BPNT1: variants seen among roughly 807,000 people sequenced by gnomAD.
BPNT1 encodes the protein 3'(2'),5'-bisphosphate nucleotidase 1.
BPNT1 carries 28 observed loss-of-function variants against 36.9 expected under a neutral mutation model. That is an observed-to-expected ratio of 0.76 (90% CI 0.56 to 1.04). The LOEUF is 1.04. Ranked by LOEUF, BPNT1 falls within the 50% of genes least tolerant of loss-of-function variation. The pLI is 0.00. For missense variants in BPNT1, 313 were observed against 372.9 expected (o/e 0.84, Z 1.32); for synonymous variants, 119 against 130.9 (o/e 0.91, Z 0.62).
At chr1:220,061,152 G>C (rs1337588000) in intron 7 of BPNT1, among the ~76,000 whole-genome samples, 1 of 152,140 alleles carries the variant, frequency 6.6e-6, no homozygotes, top group Non-Finnish European at 1.5e-5. Context: ...ATGCTTTACA[G>C]ATGCAGATTT....
In BPNT1 at chr1:220,066,419, G is replaced by A. The variant is rs949932983; in HGVS notation, c.474+883C>T. 3.3e-5 allele frequency among the ~76,000 whole-genome samples: 5 copies of A among 152,086 alleles called. No homozygotes were observed. In the East Asian group the frequency reaches 7.7e-4, roughly 23 times the overall value. On this transcript the variant is annotated intron_variant, in intron 6 of 8. Coordinates refer to ENST00000322067, the MANE Select transcript of BPNT1 (RefSeq NM_006085.6). The stretch of plus-strand genomic sequence containing the variant: ...TCTTTTGGTAAATCCTAAGAAACAC[G>A]ATTCTTAATATAATTTATAATCATA...
chr1:220,069,511 T>A, intron 4 of BPNT1, 79 bp from the exon 5 acceptor site: 1 of 1,097,846 alleles, frequency 9.1e-7, no homozygotes, highest in Non-Finnish European at 1.3e-6. Context: ...AGATTAAAAT[T>A]ACTCTTTTTT....
chr1:220,088,798 A>G (rs1170017031), intron 1 of BPNT1, among the ~76,000 whole-genome samples: 1 of 148,822 alleles, frequency 6.7e-6, no homozygotes, highest in African/African-American at 2.4e-5. Context: ...TTAAAAAAAA[A>G]AAAAAAAGAA....
intron 8 of BPNT1, 125 bp from the exon 9 acceptor site, chr1:220,059,117 G>T: frequency 1.1e-6 from 1 of 875,918 alleles, no homozygotes. Context: ...ATGAAATAAT[G>T]AGTGTCCATA....
intron 5 of BPNT1, among the ~76,000 whole-genome samples, chr1:220,068,502 A>T (rs182024084): frequency 6.6e-6 from 1 of 152,144 alleles, no homozygotes; most frequent in African/African-American, 2.4e-5. Flanking sequence ...GTTTAAAAAT[A>T]AAACTCTAAG....
intron 1 of BPNT1, among the ~76,000 whole-genome samples, chr1:220,085,833 CTT>C (rs1655666070): frequency 6.6e-6 from 1 of 152,170 alleles, no homozygotes; most frequent in Non-Finnish European, 1.5e-5. Context: ...CTTGAGAAGT[CTT>C]TACAACTGCC....
chr1:220,074,220 C>A, intron 2 of BPNT1, 149 bp from the exon 3 acceptor site: 1 of 645,486 alleles, frequency 1.5e-6, no homozygotes, highest in East Asian at 3.0e-5. Flanking sequence ...TGGTTTCTTG[C>A]CTTGGTTTTT....
At position 220,058,360 on chromosome 1, in the gene BPNT1, T is replaced by G; in HGVS notation, c.*484A>C. The G allele has an allele frequency of 1.0e-6, 1 of 980,424 alleles. No homozygotes were observed. The highest frequency in any genetic ancestry group is 1.2e-6 in the Non-Finnish European group (1 of 824,320). The allele number at this position is 980,424 out of a possible 1,614,324, so 60.7% of individuals were successfully genotyped here. ...GGTCTGGTTGATTAATCAAGTTAAA[T>G]TATTTAATTCTATTTTCTATTCCTA... On this transcript the variant is annotated 3_prime_UTR_variant, in exon 9 of 9. Transcript: ENST00000322067.
At chr1:220,086,783 C>T (rs1356766661) in intron 1 of BPNT1, among the ~76,000 whole-genome samples, 2 of 151,862 alleles carry the variant, frequency 1.3e-5, no homozygotes, top group Non-Finnish European at 1.5e-5. Context: ...ACCATGTTGG[C>T]CAGGCTAGTC....
At chr1:220,085,732 CT>C (rs1024348930) in intron 1 of BPNT1, among the ~76,000 whole-genome samples, 61 of 152,294 alleles carry the variant, frequency 4.0e-4, no homozygotes, top group Admixed American at 1.1e-3. Context: ...ATAGTTCAGG[CT>C]TTTCTTCATA....
At chr1:220,084,106 G>A (rs1655480778) in intron 1 of BPNT1, among the ~76,000 whole-genome samples, 2 of 152,208 alleles carry the variant, frequency 1.3e-5, no homozygotes, top group South Asian at 4.2e-4. Flanking sequence ...GCCGAGGTGG[G>A]TGGATCACGA....
intron 1 of BPNT1, among the ~76,000 whole-genome samples, chr1:220,087,754 G>A (rs878880740): frequency 3.3e-5 from 5 of 151,802 alleles, no homozygotes; most frequent in South Asian, 4.2e-4. Flanking sequence ...AAACAAGAAC[G>A]GGCAACACCT....
chr1:220,083,600 C>T (rs543596408), intron 1 of BPNT1, among the ~76,000 whole-genome samples: 3 of 151,762 alleles, frequency 2.0e-5, no homozygotes, highest in African/African-American at 7.2e-5. Context: ...TGTGAGCCAC[C>T]GCGCCCGGCC....
chr1:220,058,625 G>T lies in BPNT1; in HGVS notation c.*219C>A. ...CAGCTCACTGCAACCTCTGCCTTCC[G>T]GGCTCAAGAGATTCTTCTGCTTCAG... On this transcript the variant is annotated 3_prime_UTR_variant, in exon 9 of 9. Transcript: ENST00000322067. 1.3e-6 allele frequency: 1 copy of T among 766,068 alleles called. No individual in the cohort carries two copies. The highest frequency in any genetic ancestry group is 1.8e-6 in the Non-Finnish European group (1 of 555,802). The allele number at this position is 766,068 out of a possible 1,614,324, so 47.5% of individuals were successfully genotyped here.
chr1:220,087,863 TTTAA>T (rs1655885452), intron 1 of BPNT1, among the ~76,000 whole-genome samples: 1 of 152,068 alleles, frequency 6.6e-6, no homozygotes, highest in Admixed American at 6.6e-5. Context: ...TTATTTTATT[TTTAA>T]TTAATTAATT....
At chr1:220,077,854 C>T (rs558402802) in intron 2 of BPNT1, among the ~76,000 whole-genome samples, 2 of 152,066 alleles carry the variant, frequency 1.3e-5, no homozygotes, top group South Asian at 2.1e-4. Context: ...ATACACTTTT[C>T]CTTAAAGGCT....
At chr1:220,059,243 C>CTTTTTTTTTTTT (rs11292010) in intron 8 of BPNT1, among the ~76,000 whole-genome samples, 85 of 57,860 alleles carry the variant, frequency 1.5e-3, no homozygotes, top group East Asian at 6.3e-3. Flanking sequence ...ATTTTCTTTT[C>CTTTTTTTTTTTT]TTTTTTTTTT....
chr1:220,074,097 CA>C lies in BPNT1; in HGVS notation c.121-27del, dbSNP rs779704931. ...CTGTAATAAAGAATGCAAATTTTAG[CA>C]GAGCTAATGAAAAATAAGTTGTCCT... On this transcript the variant is annotated intron_variant, in intron 2 of 8. Coordinates refer to ENST00000322067, the MANE Select transcript of BPNT1 (RefSeq NM_006085.6). 3 of 1,598,964 alleles carry C rather than the reference CA, an allele frequency of 1.9e-6. No homozygotes were observed. The South Asian group carries it at 3.4e-5, about 18-fold the overall frequency.
At chr1:220,082,085 T>TATAG (rs1171093697) in intron 1 of BPNT1, among the ~76,000 whole-genome samples, 1,607 of 103,222 alleles carry the variant, frequency 0.016, 16 homozygotes, top group African/African-American at 0.034. Context: ...TATATATATA[T>TATAG]AGAGAGAGAG....
Sources: gnomAD v4.1 joint callset for allele counts (sites outside exome capture counted in the v4.1 genomes callset) on GRCh38, gnomAD v4.1.1 for gene constraint, MANE v1.5 for transcripts, NCBI Gene and HGNC (gene_info 2026-07-23, HGNC 2026-07-21) for gene names.